The following PSPC1 variants were observed in gnomAD, a reference collection of about 807,000 sequenced individuals.
The protein encoded by PSPC1 is paraspeckle protein 1.
A neutral mutation model predicts 51.6 loss-of-function variants in PSPC1; 14 were observed. The ratio of observed to expected loss-of-function variants is 0.27; its 90% CI spans 0.18 to 0.42. PSPC1 has a LOEUF of 0.42. Ranked by LOEUF, PSPC1 falls within the 10% of genes least tolerant of loss-of-function variation. PSPC1 has a pLI of 1.00. For synonymous variants in PSPC1, 193 were observed against 231.9 expected, an observed-to-expected ratio of 0.83 and a Z score of 1.53; for missense variants, 406 against 701.1, an observed-to-expected ratio of 0.58 and a Z score of 4.75.
At chr13:19,712,834 G>GA (rs1469798926) in intron 6 of PSPC1, among the ~76,000 whole-genome samples, 2 of 151,992 alleles carry the variant, frequency 1.3e-5, no homozygotes, top group Admixed American at 6.5e-5. Flanking sequence ...TTGCTCTTAA[G>GA]AAAAAAGAGT....
intron 6 of PSPC1, among the ~76,000 whole-genome samples, chr13:19,725,596 G>A (rs1325380437): frequency 6.6e-6 from 1 of 151,764 alleles, no homozygotes; most frequent in Non-Finnish European, 1.5e-5. Context: ...AGTTTTTGTA[G>A]GGCAAAATAA....
intron 5 of PSPC1, among the ~76,000 whole-genome samples, chr13:19,732,797 C>T (rs1233391875): frequency 6.6e-6 from 1 of 151,990 alleles, no homozygotes; most frequent in Non-Finnish European, 1.5e-5. Context: ...CGCGGTGGCA[C>T]GTGCATGTAA....
chr13:19,716,867 A>C (rs976610693), intron 6 of PSPC1, among the ~76,000 whole-genome samples: 1 of 152,206 alleles, frequency 6.6e-6, no homozygotes, highest in African/African-American at 2.4e-5. Flanking sequence ...TAAGGTTATA[A>C]CCAATTAAAC....
intron 2 of PSPC1, among the ~76,000 whole-genome samples, chr13:19,760,421 A>G (rs922520168): frequency 4.0e-5 from 6 of 151,744 alleles, no homozygotes; most frequent in Admixed American, 3.9e-4. Flanking sequence ...CCAGCTACTC[A>G]GGAGGCTGAG....
At chr13:19,774,816 AAAC>A (rs1355391817) in intron 1 of PSPC1, among the ~76,000 whole-genome samples, 2 of 149,840 alleles carry the variant, frequency 1.3e-5, no homozygotes, top group African/African-American at 2.4e-5. Flanking sequence ...AAAAAAAAAA[AAAC>A]AAAAAAAAAA....
At chr13:19,752,184 A>G (rs898595763) in intron 3 of PSPC1, among the ~76,000 whole-genome samples, 4 of 152,220 alleles carry the variant, frequency 2.6e-5, no homozygotes, top group African/African-American at 9.6e-5. Context: ...TTAATTGGGT[A>G]GGCCCCAAAA....
intron 6 of PSPC1, among the ~76,000 whole-genome samples, chr13:19,682,899 C>T (rs937756007): frequency 6.7e-6 from 1 of 149,682 alleles, no homozygotes; most frequent in African/African-American, 2.5e-5. Context: ...CCCTGTCTCT[C>T]ACTAAAAAAA....
chr13:19,677,888 A>G, intron 6 of PSPC1: 1 of 456,456 alleles, frequency 2.2e-6, no homozygotes, highest in East Asian at 6.7e-5. Context: ...AATGAGAAAA[A>G]TCAGAGTTAA....
intron 1 of PSPC1, among the ~76,000 whole-genome samples, chr13:19,775,502 T>C (rs137958014): frequency 2.0e-4 from 31 of 152,244 alleles, no homozygotes; most frequent in African/African-American, 7.5e-4. Context: ...GGAAAAACAA[T>C]GCCATTTTTA....
intron 6 of PSPC1, among the ~76,000 whole-genome samples, chr13:19,725,441 C>T (rs1432419190): frequency 1.3e-5 from 2 of 152,040 alleles, no homozygotes; most frequent in African/African-American, 4.8e-5. Flanking sequence ...GTAATATGAG[C>T]CACTTTTATA....
chr13:19,755,603 C>A (rs1427277582), intron 3 of PSPC1, among the ~76,000 whole-genome samples: 9 of 150,108 alleles, frequency 6.0e-5, no homozygotes, highest in African/African-American at 1.5e-4. Context: ...AAAAAAAAAA[C>A]AATAGATATG....
At chr13:19,765,494 C>T (rs1206282844) in intron 2 of PSPC1, among the ~76,000 whole-genome samples, 2 of 145,614 alleles carry the variant, frequency 1.4e-5, no homozygotes, top group African/African-American at 2.6e-5. Flanking sequence ...GAAAAGGGAT[C>T]TAATTTTTTT....
intron 5 of PSPC1, 122 bp downstream of exon 5, chr13:19,741,443 T>A: frequency 1.5e-6 from 1 of 682,174 alleles, no homozygotes; most frequent in Non-Finnish European, 2.4e-6. Flanking sequence ...CTGTATGTGG[T>A]TAAAATGGGC....
At chr13:19,779,360 T>C (rs1489009691) in intron 1 of PSPC1, among the ~76,000 whole-genome samples, 300 of 86,256 alleles carry the variant, frequency 3.5e-3, no homozygotes, top group Non-Finnish European at 5.9e-3. Context: ...CGGCCAGCCG[T>C]GCCGTCCGGG....
At chr13:19,758,226 T>A (rs952255580) in intron 3 of PSPC1, among the ~76,000 whole-genome samples, 5 of 151,388 alleles carry the variant, frequency 3.3e-5, no homozygotes, top group Non-Finnish European at 7.4e-5. Flanking sequence ...GGCAGGAGAA[T>A]GGTGTGAACC....
intron 6 of PSPC1, chr13:19,678,131 G>C (rs1876874731): frequency 3.6e-6 from 1 of 276,206 alleles, no homozygotes; most frequent in South Asian, 3.5e-5. Context: ...AATTTAATTG[G>C]CTAAGTCCCT....
At chr13:19,714,488 C>G (rs559568145) in intron 6 of PSPC1, among the ~76,000 whole-genome samples, 1 of 149,076 alleles carries the variant, frequency 6.7e-6, no homozygotes, top group African/African-American at 2.5e-5. Flanking sequence ...AGCAGCCCAG[C>G]GGATTTCTTT....
intron 6 of PSPC1, among the ~76,000 whole-genome samples, chr13:19,680,619 A>C (rs193074595): frequency 1.3e-5 from 2 of 152,212 alleles, no homozygotes; most frequent in Admixed American, 1.3e-4. Flanking sequence ...TGAAAAAAAA[A>C]CCAATAATCA....
At chr13:19,675,121 C>T (rs1876495189) in intron 7 of PSPC1, 1 of 152,916 alleles carries the variant, frequency 6.5e-6, no homozygotes. Context: ...GCACACACTC[C>T]TTCCTGTGCC....
Sources: gnomAD v4.1 joint callset for allele counts (sites outside exome capture counted in the v4.1 genomes callset) on GRCh38, gnomAD v4.1.1 for gene constraint, MANE v1.5 for transcripts, NCBI Gene and HGNC (gene_info 2026-07-23, HGNC 2026-07-21) for gene names.